The following NNT variants were observed in gnomAD, a reference collection of about 807,000 sequenced individuals.
The protein encoded by NNT is nicotinamide nucleotide transhydrogenase, also known as NAD(P) transhydrogenase, mitochondrial.
In NNT, 50 loss-of-function variants were observed where a neutral mutation model predicts 104.8. The observed-to-expected ratio is 0.48, with a 90% CI of 0.38 to 0.60. The LOEUF (loss-of-function observed/expected upper bound fraction) is 0.60. NNT is among the 20% of genes least tolerant of loss of function. The probability of loss-of-function intolerance (pLI) is 0.00; values close to 1 mark genes in which losing one functional copy is unlikely to be tolerated. For synonymous variants in NNT, 461 were observed against 490.4 expected (o/e 0.94, Z 0.79); for missense variants, 1,131 against 1,330.7 (o/e 0.85, Z 2.33).
intron 5 of NNT, among the ~76,000 whole-genome samples, chr5:43,621,750 C>G (rs1183176411): frequency 1.3e-5 from 2 of 152,096 alleles, no homozygotes; most frequent in African/African-American, 4.8e-5. Context: ...GATGATGTGA[C>G]AGTAATGGGC....
At chr5:43,692,849 GTTCAAATAACTTTCTTATT>G (rs1742361242) in intron 19 of NNT, among the ~76,000 whole-genome samples, 1 of 152,024 alleles carries the variant, frequency 6.6e-6, no homozygotes, top group African/African-American at 2.4e-5. Flanking sequence ...CCATTTTGAT[GTTCAAATAACTTTCTTATT>G]TTTAAACACT....
At chr5:43,675,247 C>T (rs961000661) in intron 17 of NNT, among the ~76,000 whole-genome samples, 1 of 151,820 alleles carries the variant, frequency 6.6e-6, no homozygotes, top group Non-Finnish European at 1.5e-5. Flanking sequence ...ATAATTTTTT[C>T]TTGGTTTCTA....
chr5:43,675,475 T>G, intron 17 of NNT, 36 bp from the exon 18 acceptor site: 1 of 1,586,236 alleles, frequency 6.3e-7, no homozygotes, highest in Non-Finnish European at 8.6e-7. Context: ...AAGTTATGTG[T>G]GTTAAACTCT....
At chr5:43,610,014 C>T (rs193178935) in intron 2 of NNT, among the ~76,000 whole-genome samples, 82 of 152,222 alleles carry the variant, frequency 5.4e-4, no homozygotes, top group Admixed American at 1.8e-3. Flanking sequence ...TTAAAATGTA[C>T]AGTCATGTCA....
At chr5:43,605,891 C>G (rs986090213) in intron 1 of NNT, among the ~76,000 whole-genome samples, 1 of 152,144 alleles carries the variant, frequency 6.6e-6, no homozygotes, top group African/African-American at 2.4e-5. Flanking sequence ...CTACTGATGT[C>G]TGATGCCCCT....
chr5:43,605,522 C>CAAAAAAAAAA (rs70997416), intron 1 of NNT, among the ~76,000 whole-genome samples: 1 of 37,760 alleles, frequency 2.6e-5, no homozygotes, highest in African/African-American at 9.9e-5. Context: ...GACTCCGTCT[C>CAAAAAAAAAA]AAAAAAAAAA....
Position 43,659,368 on chromosome 5 carries a change from C to T in NNT, c.2634+18C>T, listed in dbSNP as rs762442698. 68 of 1,579,264 alleles carry T rather than the reference C, an allele frequency of 4.3e-5. No homozygotes were observed. Among genetic ancestry groups the T allele is most frequent in the Non-Finnish European group, 6.9e-6 (8 of 1,161,906 alleles). On this transcript the variant is annotated intron_variant, in intron 17 of 21. Coordinates refer to ENST00000344920, the MANE Select transcript of NNT (RefSeq NM_182977.3). ...TGTGTGTGGTAAGAAACAACACATA[C>T]ATGAAACAAAAGGAAATGGCTTCCT...
At chr5:43,699,805 A>G (rs1375367322) in intron 19 of NNT, among the ~76,000 whole-genome samples, 1 of 152,238 alleles carries the variant, frequency 6.6e-6, no homozygotes, top group Non-Finnish European at 1.5e-5. Flanking sequence ...GAGAGAACAC[A>G]GTGATTTTTA....
intron 7 of NNT, among the ~76,000 whole-genome samples, chr5:43,630,779 G>A (rs558605448): frequency 6.6e-6 from 1 of 152,112 alleles, no homozygotes; most frequent in Non-Finnish European, 1.5e-5. Flanking sequence ...ATTGAATAAT[G>A]AATACCATAC....
In NNT at chr5:43,694,738, T is replaced by TTGTGTGTGTGTGTGTGTG. The variant is rs61079918; in HGVS notation, c.2877-5355_2877-5338dup. Among the ~76,000 whole-genome samples, 9 of 137,912 alleles carry TTGTGTGTGTGTGTGTGTG rather than the reference T, an allele frequency of 6.5e-5. No individual in the cohort carries two copies. In the East Asian group the frequency reaches 1.3e-3, roughly 20 times the overall value. The allele number at this position is 137,912 out of a possible 152,430, so 90.5% of individuals were successfully genotyped here. A position where few individuals can be genotyped will look rare whatever the true frequency, so the allele number is the denominator to read the frequency against. On this transcript the variant is annotated intron_variant, in intron 19 of 21. Transcript: ENST00000344920. ...TTCATCAAGGATATTGGCCTAAAGT[T>TTGTGTGTGTGTGTGTGTG]TGTGTGTGTGTGTGTGTGTGTGTGT... is the stretch of plus-strand genomic sequence containing the variant.
At chr5:43,658,346 CAT>C (rs767313403) in intron 16 of NNT, among the ~76,000 whole-genome samples, 40 of 151,950 alleles carry the variant, frequency 2.6e-4, no homozygotes, top group African/African-American at 4.8e-4. Context: ...AAGGTAAAAA[CAT>C]GTGAAATAAA....
rs1311698462 is a variant in NNT, at chr5:43,687,877, G to A, written c.2876+10071G>A. Among the ~76,000 whole-genome samples the A allele has an allele frequency of 7.2e-5, 11 of 152,222 alleles. 1 individual carries two copies. The East Asian group carries it at 1.7e-3, about 24-fold the overall frequency. ...TTCTAATTTGGTCCAAGATACCTCA[G>A]TTAAAGCCTCAAGATGGTAGCCAGA... On this transcript the variant is annotated intron_variant, in intron 19 of 21. Coordinates refer to ENST00000344920, the MANE Select transcript of NNT (RefSeq NM_182977.3).
In NNT at chr5:43,650,993, T is replaced by C. The variant is rs556688609; in HGVS notation, c.1717+406T>C. Among the ~76,000 whole-genome samples the C allele has an allele frequency of 8.5e-5, 13 of 152,330 alleles. 1 individual carries two copies. Among genetic ancestry groups the C allele is most frequent in the South Asian group, 2.1e-4 (1 of 4,828 alleles). ...CACATCACTCATGTGTGAGACTCATTTGATGCTATTTTGTAGCTAACAATT... is the reference window on the plus strand; with the variant it reads ...CACATCACTCATGTGTGAGACTCATCTGATGCTATTTTGTAGCTAACAATT... On this transcript the variant is annotated intron_variant, in intron 12 of 21. Transcript: ENST00000344920.
chr5:43,636,228 T>C (rs556025196), intron 7 of NNT, among the ~76,000 whole-genome samples: 25 of 152,288 alleles, frequency 1.6e-4, no homozygotes, highest in African/African-American at 6.0e-4. Flanking sequence ...AATTCTTTCT[T>C]CCATTGGCGA....
At chr5:43,680,836 C>G (rs1445473553) in intron 19 of NNT, among the ~76,000 whole-genome samples, 1 of 152,080 alleles carries the variant, frequency 6.6e-6, no homozygotes, top group African/African-American at 2.4e-5. Context: ...TACCTAACTT[C>G]TGCTTGATGT....
chr5:43,633,687 T>C (rs1750797852), intron 7 of NNT, among the ~76,000 whole-genome samples: 1 of 152,208 alleles, frequency 6.6e-6, no homozygotes, highest in Non-Finnish European at 1.5e-5. Context: ...TACACAATGG[T>C]GGCTTAGCAA....
intron 3 of NNT, among the ~76,000 whole-genome samples, chr5:43,615,266 T>C (rs976040276): frequency 6.6e-6 from 1 of 152,260 alleles, no homozygotes; most frequent in East Asian, 1.9e-4. Context: ...CAGAATATAT[T>C]GTAGCTTTTG....
At chr5:43,690,902 A>G (rs1742237861) in intron 19 of NNT, among the ~76,000 whole-genome samples, 2 of 152,224 alleles carry the variant, frequency 1.3e-5, no homozygotes, top group South Asian at 2.1e-4. Flanking sequence ...TAAATTGTTA[A>G]CAAAAAGCTT....
chr5:43,647,128 ATG>A (rs1739490814), intron 10 of NNT, among the ~76,000 whole-genome samples: 1 of 152,198 alleles, frequency 6.6e-6, no homozygotes, highest in African/African-American at 2.4e-5. Flanking sequence ...CCAAATTCCC[ATG>A]TGAGTCCAGA....
Sources: allele counts gnomAD v4.1 joint callset (sites outside exome capture counted in the v4.1 genomes callset), GRCh38; gene constraint gnomAD v4.1.1; transcripts MANE v1.5; gene names NCBI Gene and HGNC (gene_info 2026-07-23, HGNC 2026-07-21).